Variants in TFEB observed in about 807,000 individuals in gnomAD.
The protein encoded by TFEB is T-cell transcription factor EB.
Under a neutral mutation model 48.0 loss-of-function variants are expected in TFEB, and 12 were observed. The ratio of observed to expected loss-of-function variants is 0.25; its 90% CI spans 0.16 to 0.40. The LOEUF is 0.40. TFEB is among the 10% of genes least tolerant of loss of function. The pLI is 1.00. For missense variants in TFEB, 509 were observed against 640.3 expected (o/e 0.79, Z 2.21); for synonymous variants, 244 against 261.4 (o/e 0.93, Z 0.64).
intron 1 of TFEB, among the ~76,000 whole-genome samples, chr6:41,693,101 A>T (rs1769397924): frequency 1.3e-5 from 2 of 152,160 alleles, no homozygotes; most frequent in African/African-American, 4.8e-5. Context: ...CGAACTGATC[A>T]GTGTGGACCA....
rs1048830601 is a variant in TFEB, at chr6:41,733,910, A to G, written c.-23+1440T>C. ...CCAACCTCATCCCCAGCTGCCCAAC[A>G]GTGCCAGGTCTGGGCCAATGGAATC... On this transcript the variant is annotated intron_variant, in intron 1 of 8. Coordinates refer to ENST00000373033, the MANE Select transcript of TFEB (RefSeq NM_001271944.2). The G allele has an allele frequency of 1.2e-5, 12 of 984,926 alleles. No individual in the cohort carries two copies. The South Asian group carries it at 4.7e-4, about 39-fold the overall frequency. 61.0% of individuals were successfully genotyped at this position (984,926 alleles called of 1,614,324 possible). A position where few individuals can be genotyped will look rare whatever the true frequency, so the allele number is the denominator to read the frequency against.
intron 1 of TFEB, among the ~76,000 whole-genome samples, chr6:41,717,230 G>C (rs1170850784): frequency 6.6e-6 from 1 of 152,192 alleles, no homozygotes; most frequent in Non-Finnish European, 1.5e-5. Flanking sequence ...GGGGAACTGA[G>C]AGCAGAGAGA....
intron 1 of TFEB, among the ~76,000 whole-genome samples, chr6:41,695,186 C>A (rs985788950): frequency 6.6e-6 from 1 of 152,202 alleles, no homozygotes; most frequent in African/African-American, 2.4e-5. Flanking sequence ...CAGCACCTGC[C>A]TTTTGGGGCC....
intron 1 of TFEB, chr6:41,733,916 A>T: frequency 2.0e-6 from 2 of 983,958 alleles, no homozygotes; most frequent in Non-Finnish European, 1.2e-6. Flanking sequence ...CAACAGTGCC[A>T]GGTCTGGGCC....
intron 2 of TFEB, 41 bp from the exon 3 acceptor site, chr6:41,690,958 A>G: frequency 6.4e-7 from 1 of 1,566,752 alleles, no homozygotes; most frequent in South Asian, 1.2e-5. Context: ...GGAGGCTGGG[A>G]CTAGTGGGGA....
intron 1 of TFEB, among the ~76,000 whole-genome samples, chr6:41,722,377 C>T (rs1024604450): frequency 2.6e-5 from 4 of 152,226 alleles, no homozygotes; most frequent in Non-Finnish European, 5.9e-5. Flanking sequence ...CTGGCCAGAG[C>T]CCACAGGCTG....
intron 1 of TFEB, among the ~76,000 whole-genome samples, chr6:41,696,236 G>A (rs973898843): frequency 6.6e-6 from 1 of 152,168 alleles, no homozygotes; most frequent in Non-Finnish European, 1.5e-5. Flanking sequence ...TTTAAAACTT[G>A]GAGCAGGAAG....
chr6:41,700,481 A>G (rs1561858509), intron 1 of TFEB, among the ~76,000 whole-genome samples: 1 of 152,032 alleles, frequency 6.6e-6, no homozygotes, highest in Non-Finnish European at 1.5e-5. Flanking sequence ...AAAAAAAAAA[A>G]AAAGATCAAG....
intron 8 of TFEB, 35 bp from the exon 9 acceptor site, chr6:41,685,113 C>T (rs777312451): frequency 2.1e-6 from 3 of 1,399,622 alleles, no homozygotes; most frequent in East Asian, 2.8e-5. Context: ...GGGGAACACA[C>T]CTATGGGCAC....
In TFEB at chr6:41,723,498, A is replaced by G. The variant is rs1286314863; in HGVS notation, c.-23+11852T>C. ...AGCCCCCTGGAAGGAGGCCCCTGGAATGCTCAGCTCCTCCAGGGGCCGGAG... is the reference window on the plus strand; with the variant it reads ...AGCCCCCTGGAAGGAGGCCCCTGGAGTGCTCAGCTCCTCCAGGGGCCGGAG... On this transcript the variant is annotated intron_variant, in intron 1 of 8. Transcript: ENST00000373033. This position sits in a 1 kb window ranked among gnomAD's most constrained non-coding sequence, Gnocchi z 6.0. The G allele has an allele frequency of 2.3e-6, 3 of 1,289,138 alleles. No homozygotes were observed. The highest frequency in any genetic ancestry group is 1.1e-4 in the East Asian group (2 of 18,002). 79.9% of individuals were successfully genotyped at this position (1,289,138 alleles called of 1,614,324 possible).
intron 8 of TFEB, among the ~76,000 whole-genome samples, chr6:41,685,602 C>T (rs1160986060): frequency 6.6e-6 from 1 of 152,198 alleles, no homozygotes; most frequent in African/African-American, 2.4e-5. Flanking sequence ...GCTGGTAGGG[C>T]TGACTCTGCC....
chr6:41,688,027 A>G lies in TFEB; in HGVS notation c.551T>C (p.Leu184Pro). ...INPEMQMPNT[L>P]PLSSSHLNVY... ...ATTCAGGTGGCTGCTGGACAGGGGT[A>G]GCTGTGGGGTAGGGGGTGAGGGAGA... Residue 184 changes from leucine to proline, a missense_variant and splice_region_variant, in exon 5 of 9, where the codon CTA (leucine) becomes CCA (proline). Physicochemically the swap from Leu to Pro is moderately conservative, Grantham distance 98. Around this residue, in one of 4 missense-constraint regions of TFEB, gnomAD observed 251 missense variants for 317.2 expected, o/e 0.79. Coordinates refer to ENST00000373033, the MANE Select transcript of TFEB (RefSeq NM_001271944.2). The G allele has an allele frequency of 6.2e-7, 1 of 1,609,920 alleles. No homozygotes were observed. Among genetic ancestry groups the G allele is most frequent in the Non-Finnish European group, 8.5e-7 (1 of 1,177,366 alleles).
rs1382472955 is a variant in TFEB at position 41,691,738 on chromosome 6, T to C, written c.-22-503A>G. ...TTAAATCCTAAGTCAGATCCTGTCT[T>C]CCCCTCTGCTCACAACTCCCCATGG... On this transcript the variant is annotated intron_variant, in intron 1 of 8. Transcript: ENST00000373033. The surrounding 1 kb of genome is among the most constrained non-coding windows in gnomAD (Gnocchi z 5.2). 6.6e-6 allele frequency among the ~76,000 whole-genome samples: 1 copy of C among 152,008 alleles called. No homozygotes were observed. The highest frequency in any genetic ancestry group is 1.5e-5 in the Non-Finnish European group (1 of 67,986).
Position 41,723,770 on chromosome 6 carries a change from C to A in TFEB, c.-23+11580G>T. On this transcript the variant is annotated intron_variant, in intron 1 of 8. Transcript: ENST00000373033. This position sits in a 1 kb window ranked among gnomAD's most constrained non-coding sequence, Gnocchi z 6.0. ...CCCGCCCGGCTCCAGGCGCCCACAG[C>A]GCTCCTTGGTCCTCCCACAGGAGGC... is the stretch of plus-strand genomic sequence containing the variant. 2.7e-6 allele frequency: 1 copy of A among 371,312 alleles called. No individual in the cohort carries two copies. The highest frequency in any genetic ancestry group is 2.0e-5 in the South Asian group (1 of 49,948). The allele number at this position is 371,312 out of a possible 1,614,324, so 23.0% of individuals were successfully genotyped here.
chr6:41,705,846 C>T (rs565140996), intron 1 of TFEB: 2 of 152,334 alleles, frequency 1.3e-5, no homozygotes, highest in Admixed American at 6.5e-5. Flanking sequence ...GCCCTCGGCC[C>T]CAAAATATCT....
Position 41,686,084 on chromosome 6 carries a change from C to T in TFEB, c.951+6G>A. On this transcript the variant is annotated splice_donor_region_variant and intron_variant, in intron 8 of 8. Transcript: ENST00000373033. ...TTACCAAAGAAGTCCAAGTTCAGGA[C>T]CAGACCTGGATACGGAGCCAGAGCT... 3.7e-6 allele frequency: 6 copies of T among 1,614,264 alleles called. No individual in the cohort carries two copies. Among genetic ancestry groups the T allele is most frequent in the Non-Finnish European group, 5.1e-6 (6 of 1,180,046 alleles).
intron 1 of TFEB, among the ~76,000 whole-genome samples, chr6:41,721,698 A>G (rs1170658622): frequency 2.0e-5 from 3 of 152,212 alleles, no homozygotes; most frequent in Non-Finnish European, 4.4e-5. Flanking sequence ...GCATTTTACT[A>G]TGGTGTCTTA....
chr6:41,724,968 A>G lies in TFEB; in HGVS notation c.-23+10382T>C, dbSNP rs1320613810. Among the ~76,000 whole-genome samples the G allele has an allele frequency of 6.6e-6, 1 of 152,192 alleles. No homozygotes were observed. The highest frequency in any genetic ancestry group is 1.9e-4 in the East Asian group (1 of 5,192). ...GGCTCTACTGGAACGCAACAGCCAC[A>G]AGGCCCCTTTGCAGGGACGCCTCCC... On this transcript the variant is annotated intron_variant, in intron 1 of 8. Coordinates refer to ENST00000373033, the MANE Select transcript of TFEB (RefSeq NM_001271944.2). This position sits in a 1 kb window ranked among gnomAD's most constrained non-coding sequence, Gnocchi z 4.4.
In TFEB at chr6:41,684,998, C is replaced by T; in HGVS notation, c.1032G>A (p.Gln344=). 3 of 1,557,282 alleles carry T rather than the reference C, an allele frequency of 1.9e-6. No individual in the cohort carries two copies. The highest frequency in any genetic ancestry group is 2.6e-6 in the Non-Finnish European group (3 of 1,151,952). The part of the protein sequence containing the change: ...SGMNMAELAQ[Q]VVKQELPSEE... ...CGCTAGGCAGCTCCTGCTTCACCACCTGCTGGGCCAGCTCAGCCATGTTCA... is the reference window on the plus strand; with the variant it reads ...CGCTAGGCAGCTCCTGCTTCACCACTTGCTGGGCCAGCTCAGCCATGTTCA... Residue 344 remains glutamine, a synonymous_variant, in exon 9 of 9, where the codon CAG becomes CAA. Coordinates refer to ENST00000373033, the MANE Select transcript of TFEB (RefSeq NM_001271944.2).
Sources: gnomAD v4.1 joint callset for allele counts (sites outside exome capture counted in the v4.1 genomes callset) on GRCh38, gnomAD v4.1.1 for gene constraint, gnomAD v4.1.1 regional missense constraint, Gnocchi (gnomAD v3.1) non-coding constraint, MANE v1.5 for transcripts, NCBI Gene and HGNC (gene_info 2026-07-23, HGNC 2026-07-21) for gene names.